Variants in GDF5 observed in about 807,000 individuals in gnomAD.
The protein encoded by GDF5 is growth differentiation factor 5, also known as growth/differentiation factor 5.
Under a neutral mutation model 34.6 loss-of-function variants are expected in GDF5, and 17 were observed. The ratio of observed to expected loss-of-function variants is 0.49; its 90% CI spans 0.34 to 0.74. The LOEUF (loss-of-function observed/expected upper bound fraction) is 0.74. GDF5 is among the 30% of genes least tolerant of loss of function. The pLI is 0.01. For missense variants in GDF5, 616 were observed against 661.2 expected (o/e 0.93, Z 0.75); for synonymous variants, 332 against 290.7 (o/e 1.14, Z -1.44).
upstream of GDF5, among the ~76,000 whole-genome samples, chr20:35,441,612 G>A (rs779821607): frequency 2.0e-5 from 3 of 151,280 alleles, no homozygotes; most frequent in Non-Finnish European, 2.9e-5. Context: ...GTGCCACCAC[G>A]CCCGGCTAAT....
intron 1 of GDF5, chr20:35,454,073 TTTAATTCCTAC>T (rs1350433226): frequency 2.0e-6 from 1 of 510,586 alleles, no homozygotes; most frequent in Non-Finnish European, 4.0e-6. Flanking sequence ...CAGTTTTGTT[TTTAATTCCTAC>T]TAAAAATTGA....
chr20:35,451,051 A>ATATATATATATAT lies in GDF5; in HGVS notation c.-398+3588_-398+3589insATATATATATATA, dbSNP rs1483469021. Among the ~76,000 whole-genome samples, 50 of 38,632 alleles carry ATATATATATATAT rather than the reference A, an allele frequency of 1.3e-3. 3 individuals carry two copies. The highest frequency in any genetic ancestry group is 3.2e-3 in the African/African-American group (25 of 7,896). The allele number at this position is 38,632 out of a possible 152,430, so 25.3% of individuals were successfully genotyped here. The stretch of plus-strand genomic sequence containing the variant: ...AGATTTTAGACTAACAGAAAAAAAA[A>ATATATATATATAT]AAAAAAAAAAAAAATATATATATAT... On this transcript the variant is annotated intron_variant, in intron 1 of 3. Transcript: ENST00000374372.
chr20:35,449,892 G>A (rs58029146), intron 1 of GDF5, among the ~76,000 whole-genome samples: 25,592 of 151,846 alleles, frequency 0.17, 2,275 homozygotes, highest in South Asian at 0.29. Flanking sequence ...GGGAGGCTGA[G>A]CCAGGAGGAT....
In GDF5 at chr20:35,448,788, C is replaced by T. The variant is rs377038421; in HGVS notation, c.-398+5852G>A. ...AGGAGAGGACCTGGTCCTGTGGGAA[C>T]TGTGACTGGACATCCTTTATTGCCC... On this transcript the variant is annotated intron_variant, in intron 1 of 3. Coordinates refer to the GDF5 transcript ENST00000374372. 3.2e-4 allele frequency among the ~76,000 whole-genome samples: 49 copies of T among 152,256 alleles called. 1 individual carries two copies. The South Asian group carries it at 1.0e-2, about 31-fold the overall frequency.
chr20:35,447,543 T>C (rs1489346216), intron 1 of GDF5, among the ~76,000 whole-genome samples: 6 of 152,196 alleles, frequency 3.9e-5, no homozygotes, highest in African/African-American at 1.4e-4. Flanking sequence ...CTGTTGTGGG[T>C]AGAGGGGTGT....
rs534151851 is a variant in GDF5 at position 35,437,522 on chromosome 20, T to A, written c.407A>T (p.Lys136Ile). 1.7e-5 allele frequency: 27 copies of A among 1,613,972 alleles called. No homozygotes were observed. In the South Asian group the frequency reaches 3.0e-4, roughly 18 times the overall value. ...GQLPGGKAPP[K>I]AGSVPSSFLL... ...GAAGGAGCTGGGGACAGATCCTGCT[T>A]TTGGGGGTGCCTTGCCTCCGGGAAG... Residue 136 changes from lysine to isoleucine, a missense_variant, in exon 1 of 2, where the codon AAA becomes ATA. Physicochemically the swap from Lys to Ile is moderately radical, Grantham distance 102 (BLOSUM62 -3). Coordinates refer to ENST00000374369, the MANE Select transcript of GDF5 (RefSeq NM_000557.5).
intron 1 of GDF5, among the ~76,000 whole-genome samples, chr20:35,443,705 T>A (rs1205270541): frequency 6.6e-6 from 1 of 151,748 alleles, no homozygotes; most frequent in Non-Finnish European, 1.5e-5. Flanking sequence ...AGAGACAGGG[T>A]TTCACCATGC....
rs1483480159 is a variant in GDF5 at position 35,451,052 on chromosome 20, A to ATATAT, written c.-398+3587_-398+3588insATATA. 3.1e-3 allele frequency among the ~76,000 whole-genome samples: 71 copies of ATATAT among 22,904 alleles called. 1 individual carries two copies. Among genetic ancestry groups the ATATAT allele is most frequent in the African/African-American group, 9.8e-3 (61 of 6,226 alleles). 15.0% of individuals were successfully genotyped at this position (22,904 alleles called of 152,430 possible). A position where few individuals can be genotyped will look rare whatever the true frequency, so the allele number is the denominator to read the frequency against. On this transcript the variant is annotated intron_variant, in intron 1 of 3. Transcript: ENST00000374372. ...GATTTTAGACTAACAGAAAAAAAAA[A>ATATAT]AAAAAAAAAAAAATATATATATATA...
chr20:35,452,272 A>G (rs759390008), intron 1 of GDF5, among the ~76,000 whole-genome samples: 32 of 152,124 alleles, frequency 2.1e-4, no homozygotes, highest in Non-Finnish European at 4.0e-4. Context: ...TCCTTACTAC[A>G]TTGTATTATT....
At chr20:35,450,634 C>T (rs2062528210) in intron 1 of GDF5, among the ~76,000 whole-genome samples, 1 of 152,142 alleles carries the variant, frequency 6.6e-6, no homozygotes, top group South Asian at 2.1e-4. Flanking sequence ...GGGTTCCCTA[C>T]TGGCCCCTCT....
At chr20:35,439,576 A>C (rs565997485), upstream of GDF5, among the ~76,000 whole-genome samples, 2 of 152,298 alleles carry the variant, frequency 1.3e-5, no homozygotes, top group South Asian at 4.1e-4. Flanking sequence ...TCTGAATTCC[A>C]GCTGAACTCA....
intron 1 of GDF5, among the ~76,000 whole-genome samples, chr20:35,446,506 C>T (rs571613398): frequency 9.1e-5 from 13 of 142,906 alleles, no homozygotes; most frequent in African/African-American, 2.3e-4. Flanking sequence ...GGTGAGATCT[C>T]GGCTCACTGC....
intron 1 of GDF5, among the ~76,000 whole-genome samples, chr20:35,451,064 A>T (rs1489737383): frequency 0.72 from 45,252 of 62,726 alleles, 14,458 homozygotes; most frequent in Non-Finnish European, 0.78. Flanking sequence ...AAAAAAAAAA[A>T]ATATATATAT....
chr20:35,452,518 G>A (rs538480163), intron 1 of GDF5, among the ~76,000 whole-genome samples: 1 of 152,300 alleles, frequency 6.6e-6, no homozygotes, highest in Admixed American at 6.5e-5. Flanking sequence ...CGCCTCCCGG[G>A]TTCAAGTGAT....
upstream of GDF5, among the ~76,000 whole-genome samples, chr20:35,440,094 T>C (rs1451140089): frequency 2.0e-5 from 3 of 151,450 alleles, no homozygotes; most frequent in Admixed American, 2.0e-4. Flanking sequence ...TTTTTGTATT[T>C]TTAGTAGAGA....
chr20:35,454,405 G>A (rs540831959), intron 1 of GDF5, among the ~76,000 whole-genome samples: 1 of 150,068 alleles, frequency 6.7e-6, no homozygotes, highest in African/African-American at 2.5e-5. Flanking sequence ...AGTGAGCCGA[G>A]ATCGTGCCAA....
intron 1 of GDF5, among the ~76,000 whole-genome samples, chr20:35,447,609 AAAT>A (rs1334672078): frequency 6.6e-6 from 1 of 152,200 alleles, no homozygotes; most frequent in Non-Finnish European, 1.5e-5. Context: ...TTTATTTTTA[AAAT>A]AATTCTAAAA....
upstream of GDF5, among the ~76,000 whole-genome samples, chr20:35,439,558 C>A (rs1415658702): frequency 6.6e-6 from 1 of 152,176 alleles, no homozygotes; most frequent in Non-Finnish European, 1.5e-5. Context: ...TCTGGTAGCT[C>A]TGGAAGGTCT....
In GDF5 at chr20:35,433,702, G is replaced by A. The variant is rs1415968748; in HGVS notation, c.*207C>T. ...TGCCACTGGTCACATCAGCAGACGG[G>A]CAGCAATCCTCAGCCAGGGGAACTT... On this transcript the variant is annotated 3_prime_UTR_variant, in exon 2 of 2. Transcript: ENST00000374369. 3.1e-6 allele frequency: 2 copies of A among 639,472 alleles called. No homozygotes were observed. Among genetic ancestry groups the A allele is most frequent in the South Asian group, 3.5e-5 (2 of 57,588 alleles). The allele number at this position is 639,472 out of a possible 1,614,324, so 39.6% of individuals were successfully genotyped here. A position where few individuals can be genotyped will look rare whatever the true frequency, so the allele number is the denominator to read the frequency against.
Sources: gnomAD v4.1 joint callset for allele counts (sites outside exome capture counted in the v4.1 genomes callset) on GRCh38, gnomAD v4.1.1 for gene constraint, MANE v1.5 for transcripts, NCBI Gene and HGNC (gene_info 2026-07-23, HGNC 2026-07-21) for gene names.